Variants in SLURP2 observed in about 807,000 individuals in gnomAD.
The protein encoded by SLURP2 is secreted LY6/PLAUR domain containing 2.
A neutral mutation model predicts 9.8 loss-of-function variants in SLURP2; 4 were observed. The ratio of observed to expected loss-of-function variants is 0.41; its 90% CI spans 0.20 to 0.94. The LOEUF (loss-of-function observed/expected upper bound fraction) is 0.94. SLURP2 is among the 40% of genes least tolerant of loss of function. The probability of loss-of-function intolerance (pLI) is 0.32; values close to 1 mark genes in which losing one functional copy is unlikely to be tolerated. For missense variants in SLURP2, 118 were observed against 126.4 expected (o/e 0.93, Z 0.32); for synonymous variants, 58 against 56.2 (o/e 1.03, Z -0.15).
rs867230859 is a variant in SLURP2, at chr8:142,769,694, G to A, written c.52+61C>T. 1.6e-5 allele frequency: 23 copies of A among 1,479,228 alleles called. No individual in the cohort carries two copies. The Middle Eastern group carries it at 7.2e-4, about 47-fold the overall frequency. 91.6% of individuals were successfully genotyped at this position (1,479,228 alleles called of 1,614,324 possible). A position where few individuals can be genotyped will look rare whatever the true frequency, so the allele number is the denominator to read the frequency against. On this transcript the variant is annotated intron_variant, in intron 1 of 2. Coordinates refer to ENST00000317543, the MANE Select transcript of SLURP2 (RefSeq NM_177458.3). ...AGTCACAGCCCAGGGCTGGAGGGACGGTGGTTGGGCTAGAGTGATGGGGGC... is the reference window on the plus strand; with the variant it reads ...AGTCACAGCCCAGGGCTGGAGGGACAGTGGTTGGGCTAGAGTGATGGGGGC...
At chr8:142,766,756 A>G (rs56307961) in intron 1 of SLURP2, among the ~76,000 whole-genome samples, 3,139 of 152,274 alleles carry the variant, frequency 0.021, 105 homozygotes, top group African/African-American at 0.07. Flanking sequence ...CACACCCAGG[A>G]CTGGGTAAGC....
At chr8:142,769,699 T>C (rs912253211) in intron 1 of SLURP2, 56 bp downstream of exon 1, 19 of 1,513,612 alleles carry the variant, frequency 1.3e-5, no homozygotes, top group Non-Finnish European at 1.7e-5. Flanking sequence ...GGGACGGTGG[T>C]TGGGCTAGAG....
At chr8:142,766,792 A>G (rs1369453) in intron 1 of SLURP2, among the ~76,000 whole-genome samples, 43,752 of 152,152 alleles carry the variant, frequency 0.29, 6,602 homozygotes, top group Non-Finnish European at 0.33. Flanking sequence ...TGCTGGCCCC[A>G]GGCCTGCTCT....
rs916386766 is a variant in SLURP2 at position 142,769,760 on chromosome 8, T to C, written c.47A>G (p.Gln16Arg). ...GCCCCAGCCCCTGGACTCACCCAGC[T>C]GCAGGCTCAGGACGGCGGCCAGCAG... ...GLLLAAVLSL[Q>R]LAAAEAIWCH... Residue 16 changes from glutamine to arginine, a missense_variant, in exon 1 of 3, where the codon CAG (glutamine) becomes CGG (arginine). Coordinates refer to ENST00000317543, the MANE Select transcript of SLURP2 (RefSeq NM_177458.3). 1.2e-5 allele frequency: 20 copies of C among 1,603,366 alleles called. No individual in the cohort carries two copies. Among genetic ancestry groups the C allele is most frequent in the Non-Finnish European group, 1.7e-5 (20 of 1,176,572 alleles).
Position 142,764,550 on chromosome 8 carries a change from C to T in SLURP2, c.*55G>A. The T allele has an allele frequency of 1.3e-6, 2 of 1,580,888 alleles. No homozygotes were observed. Among genetic ancestry groups the T allele is most frequent in the Non-Finnish European group, 1.7e-6 (2 of 1,163,842 alleles). On this transcript the variant is annotated 3_prime_UTR_variant, in exon 3 of 3. Transcript: ENST00000317543. The stretch of plus-strand genomic sequence containing the variant: ...GAGGGGCAGCTGTGAGCCCTGGCGC[C>T]AGGCTGTGGGGGCTGTGGGGGCTGA...
rs775302834 is a variant in SLURP2, at chr8:142,764,577, C to T, written c.*28G>A. On this transcript the variant is annotated 3_prime_UTR_variant, in exon 3 of 3. Transcript: ENST00000317543. ...GGCTGTGGGGGCTGTGGGGGCTGAG[C>T]GTCCGGGGGCCTGGAGGAGGGCAGC... 4 of 1,593,572 alleles carry T rather than the reference C, an allele frequency of 2.5e-6. No homozygotes were observed. The highest frequency in any genetic ancestry group is 2.7e-5 in the African/African-American group (2 of 73,552).
chr8:142,765,024 G>C lies in SLURP2; in HGVS notation c.157+12C>G. 6.2e-7 allele frequency: 1 copy of C among 1,601,052 alleles called. No individual in the cohort carries two copies. Reference sequence around the variant, plus strand: ...AGAAGGACGTGGCCAGCCCACCACTGTTCCCACTTACGGGTGGCAGTGGTG... The same window carrying C: ...AGAAGGACGTGGCCAGCCCACCACTCTTCCCACTTACGGGTGGCAGTGGTG... On this transcript the variant is annotated intron_variant, in intron 2 of 2. Coordinates refer to ENST00000317543, the MANE Select transcript of SLURP2 (RefSeq NM_177458.3).
chr8:142,764,355 A>C lies in SLURP2; in HGVS notation c.*250T>G. ...TGCATAGCTTGTACCACACGATCCAATCACATTTTATTGTGGGGAGGTCGG... is the reference window on the plus strand; with the variant it reads ...TGCATAGCTTGTACCACACGATCCACTCACATTTTATTGTGGGGAGGTCGG... On this transcript the variant is annotated 3_prime_UTR_variant, in exon 3 of 3. Transcript: ENST00000317543. The C allele has an allele frequency of 1.6e-6, 1 of 632,054 alleles. No individual in the cohort carries two copies. The highest frequency in any genetic ancestry group is 2.9e-5 in the East Asian group (1 of 34,198). 39.2% of individuals were successfully genotyped at this position (632,054 alleles called of 1,614,324 possible). A position where few individuals can be genotyped will look rare whatever the true frequency, so the allele number is the denominator to read the frequency against.
intron 1 of SLURP2, among the ~76,000 whole-genome samples, chr8:142,765,616 G>A (rs1814978989): frequency 6.6e-6 from 1 of 152,172 alleles, no homozygotes; most frequent in Non-Finnish European, 1.5e-5. Context: ...TCCACAGGGA[G>A]CCCAGGGCAA....
In SLURP2 at chr8:142,764,393, C is replaced by A. The variant is rs193272372; in HGVS notation, c.*212G>T. The A allele has an allele frequency of 1.1e-4, 74 of 670,202 alleles. No individual in the cohort carries two copies. In the East Asian group the frequency reaches 1.9e-3, roughly 17 times the overall value. The allele number at this position is 670,202 out of a possible 1,614,324, so 41.5% of individuals were successfully genotyped here. ...GTGGGGAGGTCGGGACCTGAAGGGGCGGCAGGCACGATGGGCCCCAGGCTT... is the reference window on the plus strand; with the variant it reads ...GTGGGGAGGTCGGGACCTGAAGGGGAGGCAGGCACGATGGGCCCCAGGCTT... On this transcript the variant is annotated 3_prime_UTR_variant, in exon 3 of 3. Coordinates refer to ENST00000317543, the MANE Select transcript of SLURP2 (RefSeq NM_177458.3).
chr8:142,768,240 G>C lies in SLURP2; in HGVS notation c.52+1515C>G. On this transcript the variant is annotated intron_variant, in intron 1 of 2. Transcript: ENST00000317543. This position sits in a 1 kb window ranked among gnomAD's most constrained non-coding sequence, Gnocchi z 4.8. ...GAGGAGGGAGGTGGGGTGGGGGGGA[G>C]GGGGCAGGAATAATGGAGGGACAAA... Among the ~76,000 whole-genome samples, 1 of 131,572 alleles carries C rather than the reference G, an allele frequency of 7.6e-6. No individual in the cohort carries two copies. The highest frequency in any genetic ancestry group is 2.8e-4 in the East Asian group (1 of 3,576). 86.3% of individuals were successfully genotyped at this position (131,572 alleles called of 152,430 possible).
In SLURP2 at chr8:142,765,016, C is replaced by T. The variant is rs1424626716; in HGVS notation, c.157+20G>A. The T allele has an allele frequency of 1.9e-6, 3 of 1,588,090 alleles. No homozygotes were observed. The highest frequency in any genetic ancestry group is 2.6e-6 in the Non-Finnish European group (3 of 1,162,618). On this transcript the variant is annotated intron_variant, in intron 2 of 2. Transcript: ENST00000317543. ...CCTGGGCAAGAAGGACGTGGCCAGC[C>T]CACCACTGTTCCCACTTACGGGTGG...
At chr8:142,764,811 T>A (rs587707237) in intron 2 of SLURP2, 70 bp from the exon 3 acceptor site, 66 of 1,573,674 alleles carry the variant, frequency 4.2e-5, no homozygotes, top group Non-Finnish European at 5.4e-5. Flanking sequence ...CTGCCCCATC[T>A]GCCACTGAGC....
chr8:142,767,581 C>T (rs184915648), intron 1 of SLURP2, among the ~76,000 whole-genome samples: 1 of 152,208 alleles, frequency 6.6e-6, no homozygotes, highest in Non-Finnish European at 1.5e-5. Context: ...CCCAAGGCCT[C>T]CCTGGCTTTG....
At chr8:142,767,298 GGTGGTGACAGCTGCCTCCAA>G (rs1159760997) in intron 1 of SLURP2, among the ~76,000 whole-genome samples, 6 of 152,252 alleles carry the variant, frequency 3.9e-5, no homozygotes, top group African/African-American at 1.4e-4. Context: ...GAGAAAGAAA[GGTGGTGACAGCTGCCTCCAA>G]GCCCCTCTCT....
intron 1 of SLURP2, among the ~76,000 whole-genome samples, chr8:142,767,896 G>C (rs1043449105): frequency 8.7e-6 from 1 of 115,288 alleles, no homozygotes; most frequent in Non-Finnish European, 1.9e-5. Flanking sequence ...CAGAATGAAT[G>C]AATAAATGAA....
At chr8:142,764,904 CA>C (rs1814950865) in intron 2 of SLURP2, 131 bp downstream of exon 2, 2 of 1,128,614 alleles carry the variant, frequency 1.8e-6, no homozygotes, top group Non-Finnish European at 2.6e-6. Context: ...CTTCCCTGGG[CA>C]TCACTGGCGG....
intron 1 of SLURP2, among the ~76,000 whole-genome samples, chr8:142,767,074 G>A (rs1815029117): frequency 6.6e-6 from 1 of 152,264 alleles, no homozygotes; most frequent in Admixed American, 6.5e-5. Flanking sequence ...GGCTCTGTAT[G>A]CACCAGCACT....
rs928663913 is a variant in SLURP2 at position 142,768,110 on chromosome 8, G to A, written c.52+1645C>T. Among the ~76,000 whole-genome samples the A allele has an allele frequency of 2.0e-5, 3 of 151,226 alleles. No homozygotes were observed. Among genetic ancestry groups the A allele is most frequent in the African/African-American group, 7.3e-5 (3 of 41,078 alleles). ...ACACAGGGACAGTGTTCAGACTGGC[G>A]CCTGACACACGGGAGGGAGGGGAGA... On this transcript the variant is annotated intron_variant, in intron 1 of 2. Transcript: ENST00000317543. This position sits in a 1 kb window ranked among gnomAD's most constrained non-coding sequence, Gnocchi z 4.8.
Sources: gnomAD v4.1 joint callset for allele counts (sites outside exome capture counted in the v4.1 genomes callset) on GRCh38, gnomAD v4.1.1 for gene constraint, Gnocchi (gnomAD v3.1) non-coding constraint, MANE v1.5 for transcripts, NCBI Gene and HGNC (gene_info 2026-07-23, HGNC 2026-07-21) for gene names.